Variants in ARFRP1 observed in about 807,000 individuals in gnomAD.
ARFRP1 encodes ARF related protein 1.
A neutral mutation model predicts 30.3 loss-of-function variants in ARFRP1; 19 were observed. That is an observed-to-expected ratio of 0.63 (90% CI 0.44 to 0.92). The LOEUF (loss-of-function observed/expected upper bound fraction) is 0.92. ARFRP1 is among the 40% of genes least tolerant of loss of function. ARFRP1 has a pLI of 0.00. For synonymous variants in ARFRP1, 133 were observed against 114.2 expected (o/e 1.16, Z -1.05); for missense variants, 245 against 267.5 (o/e 0.92, Z 0.59).
rs1361988580 is a variant in ARFRP1, at chr20:63,699,983, CCGGGGTCACGGGGTCA to C, written c.*444_*459del. 8.6e-6 allele frequency: 2 copies of C among 231,942 alleles called. No homozygotes were observed. Among genetic ancestry groups the C allele is most frequent in the Non-Finnish European group, 1.7e-5 (2 of 114,858 alleles). The allele number at this position is 231,942 out of a possible 1,614,324, so 14.4% of individuals were successfully genotyped here. A position where few individuals can be genotyped will look rare whatever the true frequency, so the allele number is the denominator to read the frequency against. ...AGGCAAGATCAGCCCCAGACCACTTCCGGGGTCACGGGGTCACGGGGTCACAGGGCAGAAGCCAGAT... is the reference window on the plus strand; with the variant it reads ...AGGCAAGATCAGCCCCAGACCACTTCCGGGGTCACAGGGCAGAAGCCAGAT... On this transcript the variant is annotated 3_prime_UTR_variant, in exon 8 of 8. Transcript: ENST00000622789.
At chr20:63,702,406 C>T (rs2091259738) in intron 4 of ARFRP1, 189 bp from the exon 5 acceptor site, 1 of 607,412 alleles carries the variant, frequency 1.6e-6, no homozygotes, top group Admixed American at 3.0e-5. Context: ...TCCCCAGACG[C>T]TGCTCCTGAG....
At chr20:63,701,425 C>A in intron 6 of ARFRP1, 1 of 506,240 alleles carries the variant, frequency 2.0e-6, no homozygotes, top group Admixed American at 2.2e-5. Flanking sequence ...GGGGCTGGCA[C>A]AGATGCCACC....
At chr20:63,700,923 C>T (rs948209643) in intron 6 of ARFRP1, 11 of 622,964 alleles carry the variant, frequency 1.8e-5, no homozygotes, top group African/African-American at 7.4e-5. Context: ...GACGTCCACA[C>T]GGCTCCAAGG....
Position 63,700,707 on chromosome 20 carries a change from G to T in ARFRP1, c.418-5C>A. The T allele has an allele frequency of 6.2e-7, 1 of 1,610,232 alleles. No individual in the cohort carries two copies. The highest frequency in any genetic ancestry group is 1.1e-5 in the South Asian group (1 of 90,906). Reference sequence around the variant, plus strand: ...GTCAGGGATTGAGAGGCACGTCTGGGGGAGGTAAGGCCGTGAGGAGCAGCC... The same window carrying T: ...GTCAGGGATTGAGAGGCACGTCTGGTGGAGGTAAGGCCGTGAGGAGCAGCC... On this transcript the variant is annotated splice_polypyrimidine_tract_variant and splice_region_variant and intron_variant, in intron 6 of 7. Coordinates refer to ENST00000622789, the MANE Select transcript of ARFRP1 (RefSeq NM_001267547.3).
At chr20:63,707,183 G>T in intron 1 of ARFRP1, 86 bp from the exon 2 acceptor site, 1 of 1,194,058 alleles carries the variant, frequency 8.4e-7, no homozygotes, top group Non-Finnish European at 1.2e-6. Flanking sequence ...GGCGCCCCAC[G>T]TCCAGCCGAC....
intron 6 of ARFRP1, chr20:63,701,449 G>T: frequency 2.0e-6 from 1 of 493,888 alleles, no homozygotes; most frequent in East Asian, 5.1e-5. Flanking sequence ...AAGGGTAGCA[G>T]GAACAGGTAA....
chr20:63,706,957 C>T lies in ARFRP1; in HGVS notation c.93+42G>A, dbSNP rs774098901. ...CAGCACAAAACCGAAGGGGGCGCCGCCAGGCCGTGGGAAAGGTGCGCGCAA... is the reference window on the plus strand; with the variant it reads ...CAGCACAAAACCGAAGGGGGCGCCGTCAGGCCGTGGGAAAGGTGCGCGCAA... On this transcript the variant is annotated intron_variant, in intron 2 of 7. Transcript: ENST00000622789. 5 of 1,608,438 alleles carry T rather than the reference C, an allele frequency of 3.1e-6. No individual in the cohort carries two copies. In the Admixed American group the frequency reaches 6.7e-5, roughly 21 times the overall value.
Position 63,707,883 on chromosome 20 carries a change from C to T in ARFRP1, c.-23G>A. 1 of 152,748 alleles carries T rather than the reference C, an allele frequency of 6.5e-6. No homozygotes were observed. Among genetic ancestry groups the T allele is most frequent in the Non-Finnish European group, 1.5e-5 (1 of 68,398 alleles). The allele number at this position is 152,748 out of a possible 1,614,324, so 9.5% of individuals were successfully genotyped here. A position where few individuals can be genotyped will look rare whatever the true frequency, so the allele number is the denominator to read the frequency against. On this transcript the variant is annotated 5_prime_UTR_variant, in exon 1 of 8. Coordinates refer to ENST00000622789, the MANE Select transcript of ARFRP1 (RefSeq NM_001267547.3). ...GCGGCCTACCTGCGTCCGCCGCGCC[C>T]TCGGAGCCGCTGCTGCTGACCCCCG... is the stretch of plus-strand genomic sequence containing the variant.
intron 1 of ARFRP1, 78 bp from the exon 2 acceptor site, chr20:63,707,175 C>T (rs867230800): frequency 1.6e-5 from 21 of 1,279,432 alleles, no homozygotes; most frequent in Middle Eastern, 1.8e-4. Flanking sequence ...TGGTCAGTGG[C>T]GCCCCACGTC....
At chr20:63,702,015 C>A in intron 5 of ARFRP1, 115 bp from the exon 6 acceptor site, 1 of 1,155,398 alleles carries the variant, frequency 8.7e-7, no homozygotes, top group Non-Finnish European at 1.2e-6. Context: ...CCCCCCCCGT[C>A]ACCCACTAGG....
chr20:63,701,924 G>A (rs1258851354), intron 5 of ARFRP1, 24 bp from the exon 6 acceptor site: 5 of 1,541,462 alleles, frequency 3.2e-6, no homozygotes, highest in East Asian at 2.4e-5. Flanking sequence ...GAGAGGCAGC[G>A]CCTCACACCC....
chr20:63,700,845 A>C (rs2091170193), intron 6 of ARFRP1, 143 bp from the exon 7 acceptor site: 1 of 1,153,368 alleles, frequency 8.7e-7, no homozygotes, highest in South Asian at 1.5e-5. Context: ...TCCCACAGAG[A>C]CCACAGCAGT....
At chr20:63,706,066 G>A (rs1489161165) in intron 4 of ARFRP1, 1 of 400,474 alleles carries the variant, frequency 2.5e-6, no homozygotes, top group East Asian at 6.0e-5. Context: ...TACATGCTCT[G>A]ATCTGATCGC....
At chr20:63,701,998 G>GGGCCCCCCCCCCCC in intron 5 of ARFRP1, 98 bp from the exon 6 acceptor site, 1 of 583,916 alleles carries the variant, frequency 1.7e-6, no homozygotes, top group Non-Finnish European at 2.6e-6. Flanking sequence ...CACTCCCTCT[G>GGGCCCCCCCCCCCC]CCCCCCCCCC....
chr20:63,700,861 C>A (rs976365953), intron 6 of ARFRP1, 159 bp from the exon 7 acceptor site: 1 of 1,002,110 alleles, frequency 1.0e-6, no homozygotes, highest in Non-Finnish European at 1.4e-6. Context: ...GCAGTGAGGA[C>A]CCTGTGCTCA....
intron 2 of ARFRP1, 51 bp from the exon 3 acceptor site, chr20:63,706,789 T>A (rs1568771874): frequency 2.1e-6 from 3 of 1,444,778 alleles, no homozygotes; most frequent in Non-Finnish European, 1.9e-6. Context: ...TATACTGGCT[T>A]CCAAATATCC....
chr20:63,701,998 G>GGCCCCC, intron 5 of ARFRP1, 98 bp from the exon 6 acceptor site: 22 of 583,902 alleles, frequency 3.8e-5, no homozygotes, highest in South Asian at 1.1e-4. Flanking sequence ...CACTCCCTCT[G>GGCCCCC]CCCCCCCCCC....
Position 63,701,816 on chromosome 20 carries a change from G to T in ARFRP1, c.417+14C>A. On this transcript the variant is annotated intron_variant, in intron 6 of 7. Coordinates refer to ENST00000622789, the MANE Select transcript of ARFRP1 (RefSeq NM_001267547.3). ...ACTCGGGAAGCTGCTGCGGGAGGCA[G>T]GGGTGGGGCTCACCTCCACATCCTG... 1.3e-6 allele frequency: 2 copies of T among 1,549,766 alleles called. No individual in the cohort carries two copies. Among genetic ancestry groups the T allele is most frequent in the Non-Finnish European group, 1.7e-6 (2 of 1,146,718 alleles).
chr20:63,702,008 C>CCCG (rs2091235683), intron 5 of ARFRP1, 108 bp from the exon 6 acceptor site: 8 of 1,061,064 alleles, frequency 7.5e-6, no homozygotes, highest in Non-Finnish European at 6.6e-6. Flanking sequence ...GCCCCCCCCC[C>CCCG]CCCCGTCACC....
Sources: gnomAD v4.1 joint callset for allele counts on GRCh38, gnomAD v4.1.1 for gene constraint, MANE v1.5 for transcripts, NCBI Gene and HGNC (gene_info 2026-07-23, HGNC 2026-07-21) for gene names.